TRMT13: variants seen among roughly 807,000 people sequenced by gnomAD.
TRMT13 encodes tRNA methyltransferase 13, also known as tRNA:m(4)X modification enzyme TRM13 homolog.
In TRMT13, 45 loss-of-function variants were observed where a neutral mutation model predicts 55.9. That is an observed-to-expected ratio of 0.80 (90% CI 0.63 to 1.03). The LOEUF (loss-of-function observed/expected upper bound fraction) is 1.03, where lower values mean the gene tolerates loss of function less well. TRMT13 is among the 50% of genes least tolerant of loss of function. The pLI is 0.00. For synonymous variants in TRMT13, 183 were observed against 196.3 expected, an observed-to-expected ratio of 0.93 and a Z score of 0.57; for missense variants, 513 against 563.9, an observed-to-expected ratio of 0.91 and a Z score of 0.91.
intron 9 of TRMT13, among the ~76,000 whole-genome samples, chr1:100,147,022 T>G (rs910426811): frequency 2.0e-5 from 3 of 152,212 alleles, no homozygotes; most frequent in Non-Finnish European, 2.9e-5. Context: ...TAGTCATTTG[T>G]GATATCTTAG....
chr1:100,137,201 A>T, intron 3 of TRMT13, 116 bp downstream of exon 3: 3 of 885,464 alleles, frequency 3.4e-6, no homozygotes, highest in Non-Finnish European at 5.1e-6. Flanking sequence ...AGGAAATATA[A>T]TTTTTTTTTA....
At chr1:100,136,223 G>T (rs1655844325) in intron 1 of TRMT13, among the ~76,000 whole-genome samples, 1 of 151,984 alleles carries the variant, frequency 6.6e-6, no homozygotes, top group Non-Finnish European at 1.5e-5. Flanking sequence ...ACATCCAAAT[G>T]GTTAAAATGC....
Position 100,149,455 on chromosome 1 carries a change from A to T in TRMT13, c.*635A>T. On this transcript the variant is annotated 3_prime_UTR_variant, in exon 11 of 11. Transcript: ENST00000370141. The stretch of plus-strand genomic sequence containing the variant: ...GAAGAGCTGTTTTCAAAGAAAAAAG[A>T]TTATTTCACTTAATTATTTTGTTGG... 1 of 1,534,436 alleles carries T rather than the reference A, an allele frequency of 6.5e-7. No homozygotes were observed. The highest frequency in any genetic ancestry group is 8.8e-7 in the Non-Finnish European group (1 of 1,141,048).
intron 1 of TRMT13, 71 bp downstream of exon 1, chr1:100,133,386 C>T (rs144108972): frequency 7.3e-6 from 11 of 1,514,780 alleles, no homozygotes; most frequent in Admixed American, 2.1e-5. Flanking sequence ...GGAACCCGGC[C>T]CCTCCCCTCT....
chr1:100,137,201 AT>A, intron 3 of TRMT13, 116 bp downstream of exon 3: 158 of 884,690 alleles, frequency 1.8e-4, no homozygotes, highest in Non-Finnish European at 2.2e-4. Flanking sequence ...AGGAAATATA[AT>A]TTTTTTTTAA....
chr1:100,148,875 T>C lies in TRMT13; in HGVS notation c.*55T>C. On this transcript the variant is annotated 3_prime_UTR_variant, in exon 11 of 11. Transcript: ENST00000370141. ...TCCACCAAAAAAAATTTTTTAATTATATTTTTATATCAAAAAAATATATAC... is the reference window on the plus strand; with the variant it reads ...TCCACCAAAAAAAATTTTTTAATTACATTTTTATATCAAAAAAATATATAC... 8.5e-7 allele frequency: 1 copy of C among 1,180,540 alleles called. No individual in the cohort carries two copies. The highest frequency in any genetic ancestry group is 3.1e-5 in the East Asian group (1 of 32,152). The allele number at this position is 1,180,540 out of a possible 1,614,324, so 73.1% of individuals were successfully genotyped here.
chr1:100,146,260 TA>T (rs1657232944), intron 9 of TRMT13, among the ~76,000 whole-genome samples: 1 of 152,310 alleles, frequency 6.6e-6, no homozygotes, highest in East Asian at 1.9e-4. Context: ...GTATTTTAAT[TA>T]TCTGTTTATA....
rs1375645453 is a variant in TRMT13 at position 100,150,355 on chromosome 1, A to C, written c.*1535A>C. ...GTTTAAGTTAGTTACCCATGTCCCC[A>C]ATCAAGGGAACCTAAATGAAGATAT... is the stretch of plus-strand genomic sequence containing the variant. On this transcript the variant is annotated 3_prime_UTR_variant, in exon 11 of 11. Transcript: ENST00000370141. 1 of 152,222 alleles carries C rather than the reference A, an allele frequency of 6.6e-6. No individual in the cohort carries two copies. Among genetic ancestry groups the C allele is most frequent in the Admixed American group, 6.5e-5 (1 of 15,284 alleles). 9.4% of individuals were successfully genotyped at this position (152,222 alleles called of 1,614,324 possible).
intron 9 of TRMT13, among the ~76,000 whole-genome samples, chr1:100,145,868 C>G (rs1019886691): frequency 6.6e-6 from 1 of 152,232 alleles, no homozygotes; most frequent in Non-Finnish European, 1.5e-5. Flanking sequence ...AAGACCCTAT[C>G]TCAATCGGTC....
chr1:100,133,616 C>T (rs752469661), intron 1 of TRMT13, among the ~76,000 whole-genome samples: 1 of 152,184 alleles, frequency 6.6e-6, no homozygotes, highest in Non-Finnish European at 1.5e-5. Context: ...ACCGCTCCGT[C>T]TTCCTGCTGG....
chr1:100,140,624 A>C, intron 6 of TRMT13, 110 bp downstream of exon 6: 1 of 954,188 alleles, frequency 1.0e-6, no homozygotes, highest in South Asian at 1.6e-5. Flanking sequence ...GAGGGTACCA[A>C]ATATTTCCAT....
chr1:100,137,066 C>G lies in TRMT13; in HGVS notation c.242C>G (p.Ser81Ter). Residue 81 changes from serine (S) to a stop codon, truncating the protein, a stop_gained, in exon 3 of 11, where the codon TCA (serine) becomes TGA (stop). Coordinates refer to ENST00000370141, the MANE Select transcript of TRMT13 (RefSeq NM_019083.3). LOFTEE classifies it high-confidence loss of function. ...GCAAAGCATTTGAAAAAATGTAACT[C>G]AAGAGAGAAACCAAAACCTGTAAGT... ...QLAKHLKKCN[S>*]REKPKPDFYI... 6.2e-7 allele frequency: 1 copy of G among 1,612,194 alleles called. No individual in the cohort carries two copies. Among genetic ancestry groups the G allele is most frequent in the Non-Finnish European group, 8.5e-7 (1 of 1,179,610 alleles).
At chr1:100,146,888 G>GA (rs1395077149) in intron 9 of TRMT13, among the ~76,000 whole-genome samples, 25 of 152,266 alleles carry the variant, frequency 1.6e-4, no homozygotes, top group Non-Finnish European at 2.1e-4. Flanking sequence ...TATTTTGTCA[G>GA]AAAATAATAG....
At position 100,140,415 on chromosome 1, in the gene TRMT13, T is replaced by A. The variant is rs763637129; in HGVS notation, c.402T>A (p.Asn134Lys). 3 of 1,613,400 alleles carry A rather than the reference T, an allele frequency of 1.9e-6. No homozygotes were observed. Among genetic ancestry groups the A allele is most frequent in the Non-Finnish European group, 2.5e-6 (3 of 1,179,676 alleles). ...KKLRKASEGL[N>K]STLKDHIMSH... Reference sequence around the variant, plus strand: ...TGCTTATATTTGGCACAGGCTTGAATTCTACACTTAAAGATCATATTATGT... The same window carrying A: ...TGCTTATATTTGGCACAGGCTTGAAATCTACACTTAAAGATCATATTATGT... Residue 134 changes from asparagine to lysine, a missense_variant, in exon 6 of 11, where the codon AAT (asparagine) becomes AAA (lysine). By Grantham distance (94) the Asn-to-Lys change is moderately conservative. Coordinates refer to ENST00000370141, the MANE Select transcript of TRMT13 (RefSeq NM_019083.3).
chr1:100,148,392 TGAC>T, intron 10 of TRMT13, 66 bp downstream of exon 10: 1 of 1,424,968 alleles, frequency 7.0e-7, no homozygotes, highest in African/African-American at 1.4e-5. Context: ...GTACTTTAGA[TGAC>T]TATTATCAAC....
At position 100,133,325 on chromosome 1, in the gene TRMT13, C is replaced by G; in HGVS notation, c.147+10C>G. 1 of 1,613,566 alleles carries G rather than the reference C, an allele frequency of 6.2e-7. No homozygotes were observed. ...CGCTGGAGCCGCGGAGGTGTGGTATCGCCCTACTCTCTCAAGAGTCGGAAA... is the reference window on the plus strand; with the variant it reads ...CGCTGGAGCCGCGGAGGTGTGGTATGGCCCTACTCTCTCAAGAGTCGGAAA... On this transcript the variant is annotated intron_variant, in intron 1 of 10. Transcript: ENST00000370141.
In TRMT13 at chr1:100,143,209, A is replaced by G; in HGVS notation, c.742A>G (p.Asn248Asp). ...LQIDIQHLCL[N>D]KIPVLREEKL... ...AATTGATATTCAACACTTGTGTTTGAGTAAGTTGTGTAACTTTCCATTGGT... is the reference window on the plus strand; with the variant it reads ...AATTGATATTCAACACTTGTGTTTGGGTAAGTTGTGTAACTTTCCATTGGT... The change falls in exon 8 of 11, where the codon AAC becomes GAC. Residue 248 changes from asparagine (N) to aspartate (D), a missense_variant and splice_region_variant. Transcript: ENST00000370141. 1.3e-6 allele frequency: 2 copies of G among 1,596,116 alleles called. No homozygotes were observed. Among genetic ancestry groups the G allele is most frequent in the Non-Finnish European group, 1.7e-6 (2 of 1,166,640 alleles).
chr1:100,137,223 T>G lies in TRMT13; in HGVS notation c.261+138T>G, dbSNP rs183791403. 631 of 676,762 alleles carry G rather than the reference T, an allele frequency of 9.3e-4. 8 individuals carry two copies. In the East Asian group the frequency reaches 0.017, roughly 19 times the overall value. The allele number at this position is 676,762 out of a possible 1,614,324, so 41.9% of individuals were successfully genotyped here. ...ATAATTTTTTTTTAAAGAGATAGGG[T>G]CTCACTCTGTCACTCAGGCTGGAGT... On this transcript the variant is annotated intron_variant, in intron 3 of 10. Transcript: ENST00000370141.
Position 100,133,766 on chromosome 1 carries a change from C to T in TRMT13, c.147+451C>T, listed in dbSNP as rs990773376. ...TTCTTTTAAAAATTTAGACTTGAGG[C>T]CCGGCGCGGTGGCTCACGCCTGTAA... On this transcript the variant is annotated intron_variant, in intron 1 of 10. Coordinates refer to ENST00000370141, the MANE Select transcript of TRMT13 (RefSeq NM_019083.3). Among the ~76,000 whole-genome samples the T allele has an allele frequency of 1.3e-5, 2 of 152,160 alleles. 1 individual carries two copies. The highest frequency in any genetic ancestry group is 2.9e-5 in the Non-Finnish European group (2 of 68,032).
Sources: gnomAD v4.1 joint callset for allele counts (sites outside exome capture counted in the v4.1 genomes callset) on GRCh38, gnomAD v4.1.1 for gene constraint, MANE v1.5 for transcripts, NCBI Gene and HGNC (gene_info 2026-07-23, HGNC 2026-07-21) for gene names.